The following NEBL variants were observed in gnomAD, a reference collection of about 807,000 sequenced individuals.
The protein encoded by NEBL is LIM and SH3 protein 2.
In NEBL, 122 loss-of-function variants were observed where a neutral mutation model predicts 140.2. That is an observed-to-expected ratio of 0.87 (90% confidence interval 0.75 to 1.01). The LOEUF is 1.01. Among genes scored for constraint, NEBL ranks in the 50% least tolerant of loss-of-function variants. NEBL has a pLI of 0.00. For missense variants in NEBL, 1,365 were observed against 1,231.3 expected (o/e 1.11, Z -1.62); for synonymous variants, 436 against 398.9 (o/e 1.09, Z -1.11).
intron 2 of NEBL, among the ~76,000 whole-genome samples, chr10:21,081,491 T>C (rs7097035): frequency 0.16 from 24,540 of 152,106 alleles, 2,199 homozygotes; most frequent in African/African-American, 0.25. Flanking sequence ...GGGAACTCAT[T>C]TTTAATAGTA....
At chr10:21,197,636 C>A (rs1367644122) in intron 3 of NEBL, among the ~76,000 whole-genome samples, 2 of 152,148 alleles carry the variant, frequency 1.3e-5, no homozygotes, top group Non-Finnish European at 2.9e-5. Flanking sequence ...TCTCTCTGGC[C>A]TCCTTCCTCA....
chr10:21,030,195 T>C (rs979623497), intron 2 of NEBL: 1 of 499,408 alleles, frequency 2.0e-6, no homozygotes, highest in Admixed American at 2.7e-5. Flanking sequence ...GAGGCAAAAC[T>C]AGAATGACGG....
At chr10:20,951,176 A>G (rs1835443783) in intron 4 of NEBL, among the ~76,000 whole-genome samples, 1 of 152,236 alleles carries the variant, frequency 6.6e-6, no homozygotes, top group African/African-American at 2.4e-5. Context: ...AATCAAAAAT[A>G]TAAAGAAGCA....
chr10:20,798,207 A>G (rs1229871591), intron 26 of NEBL, among the ~76,000 whole-genome samples: 1 of 152,210 alleles, frequency 6.6e-6, no homozygotes, highest in East Asian at 1.9e-4. Flanking sequence ...GGGATAAAGT[A>G]CATGACAAAG....
chr10:20,840,671 G>T, intron 13 of NEBL, 68 bp downstream of exon 13: 1 of 1,077,638 alleles, frequency 9.3e-7, no homozygotes, highest in Non-Finnish European at 1.4e-6. Context: ...GAACCTTTGA[G>T]AAAGATTGAC....
intron 2 of NEBL, among the ~76,000 whole-genome samples, chr10:21,046,859 C>T (rs1331477985): frequency 2.0e-5 from 3 of 152,200 alleles, no homozygotes; most frequent in Non-Finnish European, 4.4e-5. Context: ...GCCTCAGCCT[C>T]CCAGAGTGCT....
Position 20,852,659 on chromosome 10 carries a change from A to G in NEBL, c.904-10T>C. The G allele has an allele frequency of 6.3e-7, 1 of 1,577,156 alleles. No homozygotes were observed. Among genetic ancestry groups the G allele is most frequent in the Non-Finnish European group, 8.7e-7 (1 of 1,147,106 alleles). On this transcript the variant is annotated splice_polypyrimidine_tract_variant and intron_variant, in intron 9 of 27. Coordinates refer to ENST00000377122, the MANE Select transcript of NEBL (RefSeq NM_006393.3). ...GCTTTTTATATTCTCGCTAAAATAC[A>G]GAATGGGGAAATCAACTTAGAATCA...
rs142164649 is a variant in NEBL at position 21,036,069 on chromosome 10, A to G, written c.165-15868T>C. Among the ~76,000 whole-genome samples, 193 of 152,250 alleles carry G rather than the reference A, an allele frequency of 1.3e-3. 1 individual carries two copies. Among genetic ancestry groups the G allele is most frequent in the Middle Eastern group, 0.01 (3 of 294 alleles). ...TCCCAGCTACTCAGGGAGCCGAGGC[A>G]GGAGAATCACTTGAACCCAGGGGGC... On this transcript the variant is annotated intron_variant, in intron 2 of 6. Transcript: ENST00000417816.
At chr10:21,281,281 G>A (rs1021313095) in intron 1 of NEBL, among the ~76,000 whole-genome samples, 1 of 152,060 alleles carries the variant, frequency 6.6e-6, no homozygotes, top group Non-Finnish European at 1.5e-5. Context: ...AAAATACCAA[G>A]CATTCTGGCC....
At chr10:21,088,078 C>T (rs529709877) in intron 2 of NEBL, among the ~76,000 whole-genome samples, 12 of 152,206 alleles carry the variant, frequency 7.9e-5, no homozygotes, top group Non-Finnish European at 1.3e-4. Context: ...CCCTCCCCTA[C>T]CATTCATGCT....
intron 2 of NEBL, chr10:21,030,211 G>A: frequency 1.9e-6 from 1 of 516,176 alleles, no homozygotes; most frequent in Non-Finnish European, 3.6e-6. Context: ...GACGGCCTCG[G>A]GAGAGACACC....
chr10:20,874,178 C>T (rs1221628645), intron 5 of NEBL, among the ~76,000 whole-genome samples: 1 of 152,144 alleles, frequency 6.6e-6, no homozygotes, highest in Non-Finnish European at 1.5e-5. Flanking sequence ...TTATCTAAGT[C>T]ATTCTCCTAT....
At chr10:21,021,621 T>C (rs1037869583) in intron 2 of NEBL, among the ~76,000 whole-genome samples, 2 of 152,212 alleles carry the variant, frequency 1.3e-5, no homozygotes, top group African/African-American at 4.8e-5. Context: ...TTGCCTTAGA[T>C]GTCACTTTCT....
At chr10:21,076,983 T>G (rs1370065565) in intron 2 of NEBL, among the ~76,000 whole-genome samples, 2 of 152,194 alleles carry the variant, frequency 1.3e-5, no homozygotes, top group Non-Finnish European at 2.9e-5. Flanking sequence ...AACATACATT[T>G]GCACAAAAAT....
intron 3 of NEBL, 117 bp downstream of exon 3, chr10:20,889,728 T>G (rs867597427): frequency 1.4e-6 from 1 of 722,416 alleles, no homozygotes; most frequent in Middle Eastern, 2.5e-4. Context: ...TAGCTATTAC[T>G]AACATTCAGT....
At chr10:21,290,061 A>G (rs1453902240) in intron 1 of NEBL, among the ~76,000 whole-genome samples, 1 of 152,198 alleles carries the variant, frequency 6.6e-6, no homozygotes, top group East Asian at 1.9e-4. Context: ...TTATAAATCC[A>G]TTTTAGAAGA....
chr10:21,263,785 C>A (rs578247768), intron 1 of NEBL, among the ~76,000 whole-genome samples: 1 of 151,890 alleles, frequency 6.6e-6, no homozygotes, highest in African/African-American at 2.4e-5. Context: ...GGCAACATGG[C>A]GAAACCCCGT....
intron 3 of NEBL, among the ~76,000 whole-genome samples, chr10:21,228,575 A>C (rs1842204040): frequency 6.6e-6 from 1 of 152,176 alleles, no homozygotes; most frequent in Non-Finnish European, 1.5e-5. Context: ...GAACAGGTAC[A>C]TTTTTACAGA....
chr10:21,075,803 TCCAGAATATAA>T (rs1836043289), intron 2 of NEBL, among the ~76,000 whole-genome samples: 1 of 152,130 alleles, frequency 6.6e-6, no homozygotes, highest in Non-Finnish European at 1.5e-5. Context: ...GGGATTGGTA[TCCAGAATATAA>T]AAAACTACAA....
Sources: gnomAD v4.1 joint callset for allele counts (sites outside exome capture counted in the v4.1 genomes callset) on GRCh38, gnomAD v4.1.1 for gene constraint, MANE v1.5 for transcripts, NCBI Gene and HGNC (gene_info 2026-07-23, HGNC 2026-07-21) for gene names.